Variants in CNTN6 observed in about 807,000 individuals in gnomAD.
CNTN6 encodes contactin 6.
In CNTN6, 137 loss-of-function variants were observed where a neutral mutation model predicts 122.8. That is an observed-to-expected ratio of 1.12 (90% CI 0.97 to 1.29). The LOEUF is 1.29. CNTN6 is among the 50% of genes most tolerant of loss of function. CNTN6 has a pLI of 0.00. For synonymous variants in CNTN6, 570 were observed against 426.0 expected, an observed-to-expected ratio of 1.34 and a Z score of -4.16; for missense variants, 1,634 against 1,223.4, an observed-to-expected ratio of 1.34 and a Z score of -5.01.
At chr3:1,309,696 A>G (rs1229077875) in intron 7 of CNTN6, among the ~76,000 whole-genome samples, 1 of 152,112 alleles carries the variant, frequency 6.6e-6, no homozygotes, top group Admixed American at 6.6e-5. Context: ...ATTGGGATTG[A>G]CTTAAATCTA....
At chr3:1,275,638 C>T (rs1411586745) in intron 4 of CNTN6, among the ~76,000 whole-genome samples, 1 of 152,150 alleles carries the variant, frequency 6.6e-6, no homozygotes, top group Non-Finnish European at 1.5e-5. Flanking sequence ...TAGCCCTAAG[C>T]TTGTTTTCCT....
chr3:1,295,864 A>AT, intron 6 of CNTN6, 60 bp downstream of exon 6: 1 of 1,471,200 alleles, frequency 6.8e-7, no homozygotes, highest in Non-Finnish European at 9.4e-7. Context: ...GCCTGGGAAG[A>AT]TTCGTAAAGC....
intron 5 of CNTN6, among the ~76,000 whole-genome samples, chr3:1,286,343 C>T (rs1485468301): frequency 6.6e-6 from 1 of 152,148 alleles, no homozygotes. Context: ...GCTATCCCTC[C>T]CTTAGCCCCC....
At chr3:1,272,412 A>C (rs552198123) in intron 4 of CNTN6, among the ~76,000 whole-genome samples, 78 of 152,320 alleles carry the variant, frequency 5.1e-4, no homozygotes, top group Non-Finnish European at 6.3e-4. Flanking sequence ...CTGAGGATTC[A>C]ATGAGTGTAC....
intron 4 of CNTN6, among the ~76,000 whole-genome samples, chr3:1,270,601 C>G (rs1417544649): frequency 6.6e-6 from 1 of 152,280 alleles, no homozygotes; most frequent in Middle Eastern, 3.4e-3. Flanking sequence ...AACAAGTGCT[C>G]CAACATCTTG....
At chr3:1,197,952 A>C (rs2093802578) in intron 2 of CNTN6, among the ~76,000 whole-genome samples, 1 of 152,162 alleles carries the variant, frequency 6.6e-6, no homozygotes, top group South Asian at 2.1e-4. Context: ...CTTCACATTA[A>C]AAAAATTACT....
At chr3:1,116,112 CT>C (rs2091708131) in intron 1 of CNTN6, among the ~76,000 whole-genome samples, 2 of 152,196 alleles carry the variant, frequency 1.3e-5, no homozygotes. Context: ...AATCAGAAAT[CT>C]GAAGACATGC....
Position 1,102,608 on chromosome 3 carries a change from G to A in CNTN6, c.-83+9488G>A, listed in dbSNP as rs974142890. On this transcript the variant is annotated intron_variant, in intron 1 of 22. Transcript: ENST00000446702. The stretch of plus-strand genomic sequence containing the variant: ...GCCGGGCGTGGTGGCGGCGCCTGTA[G>A]TCCCAGCTACTCGGGAGGCTGAGGC... Among the ~76,000 whole-genome samples, 136 of 149,394 alleles carry A rather than the reference G, an allele frequency of 9.1e-4. 4 individuals carry two copies. Among genetic ancestry groups the A allele is most frequent in the Admixed American group, 3.5e-3 (53 of 14,988 alleles).
At chr3:1,364,170 G>C (rs958683210) in intron 12 of CNTN6, among the ~76,000 whole-genome samples, 2 of 151,902 alleles carry the variant, frequency 1.3e-5, no homozygotes, top group Non-Finnish European at 2.9e-5. Flanking sequence ...AGCGTAATTT[G>C]AGATTCTGAG....
intron 4 of CNTN6, among the ~76,000 whole-genome samples, chr3:1,254,796 T>C (rs60070818): frequency 0.074 from 11,218 of 152,202 alleles, 761 homozygotes; most frequent in East Asian, 0.31. Flanking sequence ...AAATTAGTTA[T>C]CTGTTAGAGT....
At chr3:1,277,576 G>T (rs1490775842) in intron 4 of CNTN6, among the ~76,000 whole-genome samples, 1 of 151,838 alleles carries the variant, frequency 6.6e-6, no homozygotes, top group African/African-American at 2.4e-5. Flanking sequence ...GGCCAAGCTG[G>T]TCTCAAACTC....
At chr3:1,335,787 G>C (rs1702962783) in intron 11 of CNTN6, among the ~76,000 whole-genome samples, 1 of 152,102 alleles carries the variant, frequency 6.6e-6, no homozygotes, top group Non-Finnish European at 1.5e-5. Context: ...CCAGCACTTT[G>C]GGAGGCCAAG....
chr3:1,096,393 C>A (rs1294607658), intron 1 of CNTN6, among the ~76,000 whole-genome samples: 1 of 152,028 alleles, frequency 6.6e-6, no homozygotes, highest in Non-Finnish European at 1.5e-5. Flanking sequence ...TGTACTATTT[C>A]TTTTTTGTCC....
chr3:1,170,236 C>CAAAAAAAA (rs10525769), intron 2 of CNTN6, among the ~76,000 whole-genome samples: 22 of 107,458 alleles, frequency 2.0e-4, no homozygotes, highest in Non-Finnish European at 2.8e-4. Flanking sequence ...GGCTCCATCT[C>CAAAAAAAA]AAAAAAAAAA....
chr3:1,139,241 G>A (rs920537462), intron 1 of CNTN6, among the ~76,000 whole-genome samples: 1 of 152,086 alleles, frequency 6.6e-6, no homozygotes, highest in Non-Finnish European at 1.5e-5. Context: ...TTACAGAAAA[G>A]ATTTCCCAAT....
intron 2 of CNTN6, among the ~76,000 whole-genome samples, chr3:1,157,726 C>T (rs1480711743): frequency 6.7e-6 from 1 of 150,348 alleles, no homozygotes; most frequent in Non-Finnish European, 1.5e-5. Flanking sequence ...TTCATTTTTA[C>T]ATCCCATAAG....
At chr3:1,190,626 A>G (rs1255715313) in intron 2 of CNTN6, among the ~76,000 whole-genome samples, 1 of 152,198 alleles carries the variant, frequency 6.6e-6, no homozygotes, top group East Asian at 1.9e-4. Flanking sequence ...AAAATCCTTA[A>G]TCACATCTCT....
intron 4 of CNTN6, among the ~76,000 whole-genome samples, chr3:1,236,504 C>G (rs58917156): frequency 0.069 from 10,537 of 152,162 alleles, 791 homozygotes; most frequent in East Asian, 0.33. Context: ...GTTCAGTTCT[C>G]AGGAAGCCCC....
At chr3:1,267,182 G>T (rs762998499) in intron 4 of CNTN6, among the ~76,000 whole-genome samples, 2 of 152,002 alleles carry the variant, frequency 1.3e-5, no homozygotes, top group Non-Finnish European at 2.9e-5. Context: ...GACTCTGTTT[G>T]CTTGCTCTTG....
Sources: gnomAD v4.1 joint callset for allele counts (sites outside exome capture counted in the v4.1 genomes callset) on GRCh38, gnomAD v4.1.1 for gene constraint, MANE v1.5 for transcripts, NCBI Gene and HGNC (gene_info 2026-07-23, HGNC 2026-07-21) for gene names.